Variants in PIEZO2 observed in about 807,000 individuals in gnomAD.
The protein encoded by PIEZO2 is piezo type mechanosensitive ion channel component 2, also known as piezo-type mechanosensitive ion channel component 2.
PIEZO2 carries 172 observed loss-of-function variants against 337.3 expected under a neutral mutation model. The observed-to-expected ratio is 0.51, with a 90% CI of 0.45 to 0.58. The LOEUF is 0.58. PIEZO2 is among the 20% of genes least tolerant of loss of function. PIEZO2 has a pLI of 0.00. For synonymous variants in PIEZO2, 1,251 were observed against 1,228.5 expected, an observed-to-expected ratio of 1.02 and a Z score of -0.38; for missense variants, 3,028 against 3,391.3, an observed-to-expected ratio of 0.89 and a Z score of 2.66.
intron 2 of PIEZO2, among the ~76,000 whole-genome samples, chr18:11,062,935 A>G (rs1211493959): frequency 6.6e-6 from 1 of 152,236 alleles, no homozygotes. Context: ...ATTATAAATC[A>G]TGCTGCTATA....
Position 11,129,627 on chromosome 18 carries a change from A to C in PIEZO2, c.64+18898T>G, listed in dbSNP as rs2040283871. Among the ~76,000 whole-genome samples the C allele has an allele frequency of 6.6e-6, 1 of 152,190 alleles. No homozygotes were observed. ...ATGAAGGGGAGGCTGAGTCCCCTTG[A>C]GGAAGAACCCCACTACATTACGGAC... is the stretch of plus-strand genomic sequence containing the variant. On this transcript the variant is annotated intron_variant, in intron 1 of 55. Transcript: ENST00000674853. This position sits in a 1 kb window ranked among gnomAD's most constrained non-coding sequence, Gnocchi z 4.6.
chr18:10,812,120 A>C (rs1023082043), intron 7 of PIEZO2, among the ~76,000 whole-genome samples: 1 of 152,254 alleles, frequency 6.6e-6, no homozygotes, highest in African/African-American at 2.4e-5. Flanking sequence ...GGCGTGAGCC[A>C]CTGCGCCCGG....
At chr18:10,797,002 C>T (rs549815006) in intron 12 of PIEZO2, among the ~76,000 whole-genome samples, 20 of 151,364 alleles carry the variant, frequency 1.3e-4, no homozygotes, top group Non-Finnish European at 2.5e-4. Flanking sequence ...TTATACATAC[C>T]GTCATAGCAT....
chr18:11,043,089 C>T (rs899912570), intron 2 of PIEZO2, among the ~76,000 whole-genome samples: 2 of 152,084 alleles, frequency 1.3e-5, no homozygotes, highest in Non-Finnish European at 2.9e-5. Flanking sequence ...TTGTTGTTAA[C>T]GTATGATGTC....
At position 10,795,351 on chromosome 18, in the gene PIEZO2, ATTAT is replaced by A. The variant is rs2039550868; in HGVS notation, c.1528-353_1528-350del. 4.9e-5 allele frequency among the ~76,000 whole-genome samples: 1 copy of A among 20,528 alleles called. No homozygotes were observed. Among genetic ancestry groups the A allele is most frequent in the Non-Finnish European group, 1.1e-4 (1 of 8,904 alleles). 13.5% of individuals were successfully genotyped at this position (20,528 alleles called of 152,430 possible). ...ATTTTATTTTATTTTATTTTATTTTATTATTTTATTTTATTTTATTTTATTTTAT... is the reference window on the plus strand; with the variant it reads ...ATTTTATTTTATTTTATTTTATTTTATTTATTTTATTTTATTTTATTTTAT... On this transcript the variant is annotated intron_variant, in intron 12 of 55. Coordinates refer to ENST00000674853, the MANE Select transcript of PIEZO2 (RefSeq NM_001378183.1). The surrounding 1 kb of genome is among the most constrained non-coding windows in gnomAD (Gnocchi z 4.4).
chr18:10,841,394 T>C (rs1262429993), intron 7 of PIEZO2, among the ~76,000 whole-genome samples: 1 of 152,116 alleles, frequency 6.6e-6, no homozygotes, highest in Non-Finnish European at 1.5e-5. Flanking sequence ...TAGCTTGTAG[T>C]TGAGCCACAG....
At chr18:10,722,798 G>A (rs2143975192) in intron 36 of PIEZO2, among the ~76,000 whole-genome samples, 1 of 152,168 alleles carries the variant, frequency 6.6e-6, no homozygotes, top group East Asian at 1.9e-4. Context: ...ACACCTAGCG[G>A]GTGAACATAA....
chr18:10,686,655 G>T lies in PIEZO2; in HGVS notation c.7497+3000C>A, dbSNP rs572054932. ...TAATAGACAGAAAAAGAGACAACAA[G>T]CCCCAATGTGGGAAGTATTAAGGGT... On this transcript the variant is annotated intron_variant, in intron 49 of 55. Transcript: ENST00000674853. Among the ~76,000 whole-genome samples the T allele has an allele frequency of 1.1e-4, 16 of 152,284 alleles. No individual in the cohort carries two copies. The East Asian group carries it at 2.9e-3, about 28-fold the overall frequency.
chr18:11,057,056 C>G (rs1452455927), intron 2 of PIEZO2, among the ~76,000 whole-genome samples: 3 of 151,834 alleles, frequency 2.0e-5, no homozygotes, highest in African/African-American at 7.3e-5. Flanking sequence ...GGGATGTTCA[C>G]AGCTGATGGA....
rs2038691875 is a variant in PIEZO2 at position 10,773,844 on chromosome 18, A to G, written c.2567+162T>C. On this transcript the variant is annotated intron_variant, in intron 19 of 55. Transcript: ENST00000674853. This position sits in a 1 kb window ranked among gnomAD's most constrained non-coding sequence, Gnocchi z 5.3. ...ACTGTAAACTTGGTTAGGTTTTGTT[A>G]GCTTTTTTAATTCGGGTTCTAGTGA... Among the ~76,000 whole-genome samples the G allele has an allele frequency of 6.6e-6, 1 of 152,206 alleles. No individual in the cohort carries two copies. The highest frequency in any genetic ancestry group is 6.5e-5 in the Admixed American group (1 of 15,286).
rs751053423 is a variant in PIEZO2, at chr18:10,675,294, C to T, written c.8082-6G>A. 13 of 1,438,424 alleles carry T rather than the reference C, an allele frequency of 9.0e-6. 1 individual carries two copies. The Admixed American group carries it at 1.5e-4, about 17-fold the overall frequency. The allele number at this position is 1,438,424 out of a possible 1,614,324, so 89.1% of individuals were successfully genotyped here. ...GATAAATCTTTTCTATGGTCCTGTACATTAAGAAAAAAAAGATACAATTAC... is the reference window on the plus strand; with the variant it reads ...GATAAATCTTTTCTATGGTCCTGTATATTAAGAAAAAAAAGATACAATTAC... On this transcript the variant is annotated splice_region_variant and splice_polypyrimidine_tract_variant and intron_variant, in intron 53 of 55. Transcript: ENST00000674853.
chr18:11,117,097 T>C (rs1001151617), intron 1 of PIEZO2, among the ~76,000 whole-genome samples: 4 of 152,094 alleles, frequency 2.6e-5, no homozygotes, highest in Non-Finnish European at 2.9e-5. Context: ...CAGAGCAAGA[T>C]TCTGTCCCCC....
intron 3 of PIEZO2, among the ~76,000 whole-genome samples, chr18:10,921,243 A>G (rs185123560): frequency 7.2e-5 from 11 of 152,260 alleles, no homozygotes; most frequent in Admixed American, 6.5e-4. Context: ...TGAGTTGTAA[A>G]CTAAATGGAA....
chr18:10,843,796 CA>C (rs2041266696), intron 7 of PIEZO2, among the ~76,000 whole-genome samples: 1 of 152,188 alleles, frequency 6.6e-6, no homozygotes, highest in South Asian at 2.1e-4. Context: ...AAATGCTATG[CA>C]TCCAACAAGA....
chr18:11,134,100 C>A (rs1215883789), intron 1 of PIEZO2, among the ~76,000 whole-genome samples: 4 of 152,000 alleles, frequency 2.6e-5, no homozygotes, highest in Admixed American at 6.6e-5. Context: ...TTGAAAAGAC[C>A]CATGTGATCA....
chr18:10,907,243 G>A (rs570668199), intron 4 of PIEZO2, among the ~76,000 whole-genome samples: 145 of 152,166 alleles, frequency 9.5e-4, no homozygotes, highest in African/African-American at 3.4e-3. Context: ...AAGAGTTCAA[G>A]ACTAGCCTGG....
At chr18:10,896,486 A>G (rs2042905068) in intron 4 of PIEZO2, among the ~76,000 whole-genome samples, 1 of 152,206 alleles carries the variant, frequency 6.6e-6, no homozygotes, top group Admixed American at 6.5e-5. Flanking sequence ...AAATAAATAT[A>G]TTTAACTGGT....
At chr18:10,836,674 T>C (rs1413380150) in intron 7 of PIEZO2, among the ~76,000 whole-genome samples, 5 of 152,236 alleles carry the variant, frequency 3.3e-5, no homozygotes, top group East Asian at 3.8e-4. Context: ...ATCATTATTA[T>C]GACAATGTAT....
chr18:10,679,773 T>C (rs186288359), intron 52 of PIEZO2, among the ~76,000 whole-genome samples: 23 of 152,278 alleles, frequency 1.5e-4, no homozygotes, highest in African/African-American at 5.1e-4. Flanking sequence ...GTGCTGTAAG[T>C]GATGCATGAG....
Sources: gnomAD v4.1 joint callset for allele counts (sites outside exome capture counted in the v4.1 genomes callset) on GRCh38, gnomAD v4.1.1 for gene constraint, Gnocchi (gnomAD v3.1) non-coding constraint, MANE v1.5 for transcripts, NCBI Gene and HGNC (gene_info 2026-07-23, HGNC 2026-07-21) for gene names.